Variants in OSGIN2 observed in about 807,000 individuals in gnomAD.
The protein encoded by OSGIN2 is oxidative stress-induced growth inhibitor 2.
A neutral mutation model predicts 53.8 loss-of-function variants in OSGIN2; 19 were observed. That is an observed-to-expected ratio of 0.35 (90% CI 0.25 to 0.52). The LOEUF is 0.52. Ranked by LOEUF, OSGIN2 falls within the 20% of genes least tolerant of loss-of-function variation. The pLI is 0.95. For missense variants in OSGIN2, 520 were observed against 662.7 expected (o/e 0.78, Z 2.36); for synonymous variants, 236 against 236.0 (o/e 1.00, Z 0.00).
chr8:89,920,517 C>T (rs1261614744), intron 4 of OSGIN2, among the ~76,000 whole-genome samples: 3 of 152,064 alleles, frequency 2.0e-5, no homozygotes, highest in South Asian at 2.1e-4. Context: ...AGCCTCAGCT[C>T]GTTTGTTTCT....
chr8:89,915,199 T>C (rs552434749), intron 4 of OSGIN2, among the ~76,000 whole-genome samples: 2 of 152,338 alleles, frequency 1.3e-5, no homozygotes, highest in Non-Finnish European at 2.9e-5. Flanking sequence ...AAACAACATA[T>C]TTATTTCTCA....
chr8:89,911,803 G>A (rs368809219), intron 2 of OSGIN2, among the ~76,000 whole-genome samples: 5 of 150,948 alleles, frequency 3.3e-5, no homozygotes, highest in South Asian at 4.2e-4. Context: ...GCATGGTGGC[G>A]AGTGCCTGTA....
In OSGIN2 at chr8:89,902,719, CGA is replaced by C; in HGVS notation, c.-73_-72del. ...CGCGACCCCGAGCCAGCGGGCGCCC[CGA>C]GCGGGCAGCCTCGCCGGGGGAGGCG... On this transcript the variant is annotated 5_prime_UTR_variant, in exon 1 of 6. Coordinates refer to ENST00000451899, the MANE Select transcript of OSGIN2 (RefSeq NM_001126111.3). 1.2e-6 allele frequency: 1 copy of C among 829,562 alleles called. No individual in the cohort carries two copies. The highest frequency in any genetic ancestry group is 1.5e-6 in the Non-Finnish European group (1 of 664,448). The allele number at this position is 829,562 out of a possible 1,614,324, so 51.4% of individuals were successfully genotyped here.
At position 89,909,576 on chromosome 8, in the gene OSGIN2, T is replaced by G. The variant is rs967837862; in HGVS notation, c.54T>G (p.Ser18Arg). 5.9e-6 allele frequency: 9 copies of G among 1,536,106 alleles called. 1 individual carries two copies. Among genetic ancestry groups the G allele is most frequent in the Admixed American group, 3.7e-5 (2 of 53,474 alleles). The change falls in exon 2 of 6, where the codon AGT (serine) becomes AGG (arginine). Residue 18 changes from serine (S) to arginine (R), a missense_variant. Ser to Arg is a moderately radical substitution (Grantham distance 110). This residue lies in a region of OSGIN2 where 203 missense variants were observed against 275.3 expected (regional missense o/e 0.74). Transcript: ENST00000451899. ...TTTTTTTTTTTTAAAGAAACTATAG[T>G]GACACTGAAACTGAAGGAGAGATTT... ...CSLAGHFRNYSDTETEGEIFN... is the reference protein window; with the variant it reads ...CSLAGHFRNYRDTETEGEIFN...
intron 4 of OSGIN2, among the ~76,000 whole-genome samples, chr8:89,915,748 C>T (rs1182790428): frequency 6.6e-6 from 1 of 152,034 alleles, no homozygotes; most frequent in Admixed American, 6.6e-5. Flanking sequence ...GTTGGCTGTT[C>T]GTGTATTAGT....
At chr8:89,918,900 C>A (rs1469273213) in intron 4 of OSGIN2, among the ~76,000 whole-genome samples, 1 of 152,146 alleles carries the variant, frequency 6.6e-6, no homozygotes, top group Non-Finnish European at 1.5e-5. Flanking sequence ...ATATTGGTCA[C>A]CGCTGTCTTT....
chr8:89,921,496 G>A (rs563428170), intron 5 of OSGIN2, among the ~76,000 whole-genome samples: 1 of 151,978 alleles, frequency 6.6e-6, no homozygotes, highest in East Asian at 1.9e-4. Flanking sequence ...TTATTTTTAT[G>A]CATTGATATA....
chr8:89,904,089 G>T (rs1808787557), intron 1 of OSGIN2, among the ~76,000 whole-genome samples: 1 of 152,198 alleles, frequency 6.6e-6, no homozygotes, highest in East Asian at 1.9e-4. Flanking sequence ...CTAGGTTGTG[G>T]ATATTAAGGA....
Position 89,902,811 on chromosome 8 carries a change from C to A in OSGIN2, c.18C>A (p.Cys6Ter). The A allele has an allele frequency of 7.3e-7, 1 of 1,366,912 alleles. No homozygotes were observed. The allele number at this position is 1,366,912 out of a possible 1,614,324, so 84.7% of individuals were successfully genotyped here. A position where few individuals can be genotyped will look rare whatever the true frequency, so the allele number is the denominator to read the frequency against. MPVWC[C>*]RCSLAGHFRN... is the part of the protein sequence containing the mutation. ...AGCGCTCCATGCCCGTGTGGTGCTG[C>A]CGCTGCTCCCTGGCCGGTCATTTCA... Residue 6 changes from cysteine (C) to a stop codon, truncating the protein, a stop_gained, in exon 1 of 6, where the codon TGC becomes TGA. Transcript: ENST00000451899. LOFTEE classifies it high-confidence loss of function.
At position 89,926,907 on chromosome 8, in the gene OSGIN2, A is replaced by C. The variant is rs1450520432; in HGVS notation, c.*1375A>C. 1 of 152,212 alleles carries C rather than the reference A, an allele frequency of 6.6e-6. No individual in the cohort carries two copies. The highest frequency in any genetic ancestry group is 1.5e-5 in the Non-Finnish European group (1 of 68,030). The allele number at this position is 152,212 out of a possible 1,614,324, so 9.4% of individuals were successfully genotyped here. On this transcript the variant is annotated 3_prime_UTR_variant, in exon 6 of 6. Transcript: ENST00000451899. ...GCTTATTAGGACCATAATTCACTTT[A>C]AATATAATTGTATAGAATATATTTG...
At chr8:89,909,269 ACTC>A (rs1188102201) in intron 1 of OSGIN2, among the ~76,000 whole-genome samples, 1 of 151,598 alleles carries the variant, frequency 6.6e-6, no homozygotes, top group Non-Finnish European at 1.5e-5. Flanking sequence ...AGAATTATGA[ACTC>A]CTCAACACCA....
At position 89,902,692 on chromosome 8, in the gene OSGIN2, C is replaced by A; in HGVS notation, c.-102C>A. The A allele has an allele frequency of 1.4e-5, 6 of 436,446 alleles. No homozygotes were observed. Among genetic ancestry groups the A allele is most frequent in the Non-Finnish European group, 1.8e-5 (6 of 324,562 alleles). 27.0% of individuals were successfully genotyped at this position (436,446 alleles called of 1,614,324 possible). On this transcript the variant is annotated 5_prime_UTR_variant, in exon 1 of 6. Coordinates refer to ENST00000451899, the MANE Select transcript of OSGIN2 (RefSeq NM_001126111.3). ...CGCGAGGCAGGGGCGCCCGGCAGAC[C>A]CCGCGACCCCGAGCCAGCGGGCGCC...
intron 4 of OSGIN2, among the ~76,000 whole-genome samples, chr8:89,915,918 A>T (rs1232986824): frequency 6.6e-6 from 1 of 152,138 alleles, no homozygotes; most frequent in Non-Finnish European, 1.5e-5. Context: ...CTTTTAGCTT[A>T]AGTTTTATGA....
intron 4 of OSGIN2, 36 bp downstream of exon 4, chr8:89,914,782 A>G: frequency 6.6e-7 from 1 of 1,506,858 alleles, no homozygotes; most frequent in Non-Finnish European, 9.2e-7. Context: ...AGTGTATGTG[A>G]ATTATTTGTC....
rs1385022160 is a variant in OSGIN2 at position 89,921,075 on chromosome 8, A to T, written c.529-5A>T. 6.5e-7 allele frequency: 1 copy of T among 1,543,610 alleles called. No homozygotes were observed. The highest frequency in any genetic ancestry group is 8.8e-7 in the Non-Finnish European group (1 of 1,133,588). ...CGGTACATTTTTTTTTTTAAACTCTAATAGAATATGGAAGGCTCCATGTTG... is the reference window on the plus strand; with the variant it reads ...CGGTACATTTTTTTTTTTAAACTCTTATAGAATATGGAAGGCTCCATGTTG... On this transcript the variant is annotated splice_polypyrimidine_tract_variant and splice_region_variant and intron_variant, in intron 4 of 5. Transcript: ENST00000451899.
At chr8:89,905,824 A>G (rs62531981) in intron 1 of OSGIN2, among the ~76,000 whole-genome samples, 4,638 of 152,352 alleles carry the variant, frequency 0.03, 101 homozygotes, top group Non-Finnish European at 0.048. Flanking sequence ...TAGACCTAAT[A>G]TATAAATTCA....
intron 5 of OSGIN2, among the ~76,000 whole-genome samples, chr8:89,924,047 T>G (rs963638293): frequency 6.6e-6 from 1 of 152,116 alleles, no homozygotes; most frequent in African/African-American, 2.4e-5. Flanking sequence ...GTACTAAAAT[T>G]CATGTCAAGA....
intron 1 of OSGIN2, among the ~76,000 whole-genome samples, chr8:89,905,184 T>C (rs1303394528): frequency 1.3e-5 from 2 of 152,232 alleles, no homozygotes; most frequent in Non-Finnish European, 1.5e-5. Flanking sequence ...CTCTGAAACT[T>C]TGTGCTGTAA....
chr8:89,908,908 G>A (rs1808894126), intron 1 of OSGIN2, among the ~76,000 whole-genome samples: 1 of 149,962 alleles, frequency 6.7e-6, no homozygotes. Flanking sequence ...CTACTCTGGA[G>A]GCTGAAGCAA....
Sources: gnomAD v4.1 joint callset for allele counts (sites outside exome capture counted in the v4.1 genomes callset) on GRCh38, gnomAD v4.1.1 for gene constraint, gnomAD v4.1.1 regional missense constraint, MANE v1.5 for transcripts, NCBI Gene and HGNC (gene_info 2026-07-23, HGNC 2026-07-21) for gene names.